Variants in TOX observed in about 807,000 individuals in gnomAD.
The protein encoded by TOX is thymocyte selection-associated high mobility group box protein TOX.
Under a neutral mutation model 53.7 loss-of-function variants are expected in TOX, and 11 were observed. The observed-to-expected ratio is 0.20, with a 90% CI of 0.13 to 0.34. The LOEUF (loss-of-function observed/expected upper bound fraction) is 0.34. TOX is among the 10% of genes least tolerant of loss of function. The probability of loss-of-function intolerance (pLI) is 1.00; values close to 1 mark genes in which losing one functional copy is unlikely to be tolerated. For synonymous variants in TOX, 225 were observed against 245.3 expected (o/e 0.92, Z 0.77); for missense variants, 570 against 664.6 (o/e 0.86, Z 1.56).
chr8:58,920,778 C>T (rs1310057764), intron 3 of TOX, among the ~76,000 whole-genome samples: 1 of 123,372 alleles, frequency 8.1e-6, no homozygotes, highest in African/African-American at 3.1e-5. Flanking sequence ...CTGATCTAGA[C>T]AGTAAGCTAG....
intron 7 of TOX, among the ~76,000 whole-genome samples, chr8:58,811,773 C>G (rs954816460): frequency 6.6e-6 from 1 of 151,870 alleles, no homozygotes; most frequent in Non-Finnish European, 1.5e-5. Context: ...TGACCTCATT[C>G]GACAATCTCA....
At chr8:58,991,962 C>G (rs902839987) in intron 1 of TOX, 1 of 152,282 alleles carries the variant, frequency 6.6e-6, no homozygotes. Flanking sequence ...CTCGGCAGGG[C>G]TGACGCGTGG....
chr8:58,934,093 G>A (rs1260406573), intron 3 of TOX, among the ~76,000 whole-genome samples: 1 of 152,232 alleles, frequency 6.6e-6, no homozygotes, highest in Non-Finnish European at 1.5e-5. Context: ...ATTGGGTCAT[G>A]AATGACTGTT....
intron 1 of TOX, among the ~76,000 whole-genome samples, chr8:59,084,568 G>A (rs1480546635): frequency 6.6e-6 from 1 of 152,134 alleles, no homozygotes; most frequent in African/African-American, 2.4e-5. Context: ...ATTTTGTCAT[G>A]AGGGTTATTT....
chr8:59,026,432 C>G (rs1271875581), intron 1 of TOX, among the ~76,000 whole-genome samples: 4 of 152,132 alleles, frequency 2.6e-5, no homozygotes, highest in Admixed American at 2.6e-4. Context: ...AAAAAGGAGG[C>G]AGGGCACAGG....
chr8:58,982,107 A>G (rs1813216291), intron 1 of TOX, among the ~76,000 whole-genome samples: 1 of 152,038 alleles, frequency 6.6e-6, no homozygotes, highest in South Asian at 2.1e-4. Flanking sequence ...TGCACTTCTA[A>G]CCACTCACTT....
At chr8:58,861,224 C>T (rs572895296) in intron 3 of TOX, among the ~76,000 whole-genome samples, 18 of 152,306 alleles carry the variant, frequency 1.2e-4, no homozygotes, top group African/African-American at 4.3e-4. Flanking sequence ...AATGGCAGGA[C>T]ATGAGAGGCT....
chr8:58,872,661 G>A (rs569863730), intron 3 of TOX, among the ~76,000 whole-genome samples: 3 of 151,972 alleles, frequency 2.0e-5, no homozygotes, highest in Non-Finnish European at 4.4e-5. Flanking sequence ...GAAAACCATC[G>A]GACACATGCC....
At chr8:58,985,359 A>G (rs779717878) in intron 1 of TOX, among the ~76,000 whole-genome samples, 1 of 152,210 alleles carries the variant, frequency 6.6e-6, no homozygotes, top group African/African-American at 2.4e-5. Flanking sequence ...CCTTGAGAAC[A>G]CTATGATAAG....
At chr8:59,092,306 ATATTATATATACATATATATAT>A (rs1804631247) in intron 1 of TOX, among the ~76,000 whole-genome samples, 1 of 113,428 alleles carries the variant, frequency 8.8e-6, no homozygotes, top group Non-Finnish European at 1.6e-5. Context: ...TATATATTAT[ATATTATATATACATATATATAT>A]TATATATTAT....
At chr8:58,837,785 G>A (rs900418483) in intron 5 of TOX, among the ~76,000 whole-genome samples, 5 of 152,076 alleles carry the variant, frequency 3.3e-5, no homozygotes, top group African/African-American at 9.7e-5. Flanking sequence ...CAGTCTTTAT[G>A]TTCACATTGG....
chr8:59,028,728 T>TC (rs1454379366), intron 1 of TOX, among the ~76,000 whole-genome samples: 1 of 152,182 alleles, frequency 6.6e-6, no homozygotes, highest in African/African-American at 2.4e-5. Flanking sequence ...CTTTTCTTTT[T>TC]CCCACTTAGG....
intron 3 of TOX, among the ~76,000 whole-genome samples, chr8:58,893,468 T>C (rs547963855): frequency 2.6e-5 from 4 of 152,114 alleles, no homozygotes; most frequent in African/African-American, 7.2e-5. Flanking sequence ...TTTCAAAGTC[T>C]TGTCAAAACT....
chr8:58,895,333 TA>T (rs1178486430), intron 3 of TOX, among the ~76,000 whole-genome samples: 2 of 152,182 alleles, frequency 1.3e-5, no homozygotes, highest in South Asian at 4.1e-4. Flanking sequence ...TCTGTATAAA[TA>T]AAAAGATTAT....
rs773022114 is a variant in TOX, at chr8:58,975,254, AC to A, written c.103-15247del. Among the ~76,000 whole-genome samples, 482 of 149,260 alleles carry A rather than the reference AC, an allele frequency of 3.2e-3. 3 individuals are homozygous for A. Among genetic ancestry groups the A allele is most frequent in the Non-Finnish European group, 6.1e-3 (408 of 67,252 alleles). On this transcript the variant is annotated intron_variant, in intron 1 of 8. Transcript: ENST00000361421. ...GTGTGTGATATATATATACACACAC[AC>A]ACACACACCCCCACACAGAGAGAGA...
intron 3 of TOX, among the ~76,000 whole-genome samples, chr8:58,888,889 C>A (rs16924197): frequency 6.6e-6 from 1 of 151,956 alleles, no homozygotes; most frequent in East Asian, 1.9e-4. Context: ...TACCTCCTCC[C>A]TAACAGCTGG....
intron 3 of TOX, among the ~76,000 whole-genome samples, chr8:58,861,776 T>A (rs1476640875): frequency 6.6e-6 from 1 of 152,162 alleles, no homozygotes. Flanking sequence ...ACTTGGGAAT[T>A]TAAGTTGCTT....
intron 1 of TOX, among the ~76,000 whole-genome samples, chr8:59,093,162 T>C (rs1450078825): frequency 6.6e-6 from 1 of 152,202 alleles, no homozygotes; most frequent in Non-Finnish European, 1.5e-5. Context: ...TTTTAATCCT[T>C]TCTGTTCTTC....
chr8:58,996,144 C>T (rs903656907), intron 1 of TOX, among the ~76,000 whole-genome samples: 2 of 152,216 alleles, frequency 1.3e-5, no homozygotes, highest in African/African-American at 4.8e-5. Context: ...ACACACTCTT[C>T]CCTGAAAATG....
Sources: gnomAD v4.1 joint callset for allele counts (sites outside exome capture counted in the v4.1 genomes callset) on GRCh38, gnomAD v4.1.1 for gene constraint, MANE v1.5 for transcripts, NCBI Gene and HGNC (gene_info 2026-07-23, HGNC 2026-07-21) for gene names.